TMEM117: variants seen among roughly 807,000 people sequenced by gnomAD.
TMEM117 encodes transmembrane protein 117.
TMEM117 carries 27 observed loss-of-function variants against 52.4 expected under a neutral mutation model. The ratio of observed to expected loss-of-function variants is 0.51; its 90% CI spans 0.38 to 0.71. The LOEUF is 0.71. Among genes scored for constraint, TMEM117 ranks in the 30% least tolerant of loss-of-function variants. The pLI is 0.00. For synonymous variants in TMEM117, 215 were observed against 206.3 expected (o/e 1.04, Z -0.36); for missense variants, 556 against 630.5 (o/e 0.88, Z 1.26).
Position 44,299,627 on chromosome 12 carries a change from C to G in TMEM117, c.656C>G (p.Thr219Arg). The G allele has an allele frequency of 1.2e-6, 2 of 1,614,182 alleles. No individual in the cohort carries two copies. Among genetic ancestry groups the G allele is most frequent in the Non-Finnish European group, 1.7e-6 (2 of 1,180,028 alleles). Residue 219 changes from threonine to arginine, a missense_variant, in exon 6 of 8, where the codon ACG (threonine) becomes AGG (arginine). Physicochemically the swap from Thr to Arg is moderately conservative, Grantham distance 71. Coordinates refer to ENST00000266534, the MANE Select transcript of TMEM117 (RefSeq NM_032256.3). ...LTSVVVLVIT[T>R]DWISWDKLNR... ...TCTGTGGTTGTACTTGTGATTACAA[C>G]GGACTGGATCAGCTGGGACAAGCTG...
chr12:43,971,370 T>C (rs1406886226), intron 3 of TMEM117, among the ~76,000 whole-genome samples: 3 of 152,214 alleles, frequency 2.0e-5, no homozygotes, highest in Non-Finnish European at 4.4e-5. Flanking sequence ...CCCGTGACTT[T>C]TACTACTCTA....
intron 5 of TMEM117, among the ~76,000 whole-genome samples, chr12:44,228,865 C>G (rs577821241): frequency 6.6e-6 from 1 of 152,102 alleles, no homozygotes; most frequent in Admixed American, 6.6e-5. Context: ...GTGGGCCACA[C>G]ACAGGGTGTA....
At chr12:44,061,513 G>A (rs1947137574) in intron 3 of TMEM117, among the ~76,000 whole-genome samples, 1 of 149,818 alleles carries the variant, frequency 6.7e-6, no homozygotes, top group Non-Finnish European at 1.5e-5. Flanking sequence ...GAGAGAGACT[G>A]GAAAGGAGAT....
intron 3 of TMEM117, among the ~76,000 whole-genome samples, chr12:43,971,822 A>G (rs1945592230): frequency 6.6e-6 from 1 of 152,230 alleles, no homozygotes; most frequent in South Asian, 2.1e-4. Flanking sequence ...TGTTAACTGT[A>G]GGCACAATGT....
intron 6 of TMEM117, among the ~76,000 whole-genome samples, chr12:44,346,478 TTCTC>T (rs1258400879): frequency 6.6e-6 from 1 of 152,102 alleles, no homozygotes; most frequent in African/African-American, 2.4e-5. Flanking sequence ...TGAAGAGTCT[TTCTC>T]TCTCTCACTC....
the TMEM117 span, among the ~76,000 whole-genome samples, chr12:43,812,593 C>T: frequency 5.1e-4 from 78 of 152,248 alleles, no homozygotes; most frequent in East Asian, 0.012. Context: ...ACAAGTTAAC[C>T]GTACTCTTCC....
chr12:44,188,962 AG>A (rs1381139056), intron 4 of TMEM117, among the ~76,000 whole-genome samples: 1 of 152,160 alleles, frequency 6.6e-6, no homozygotes, highest in African/African-American at 2.4e-5. Flanking sequence ...ACATATTTTC[AG>A]GGTACACATG....
chr12:44,044,999 A>G (rs536575980), intron 3 of TMEM117, among the ~76,000 whole-genome samples: 3 of 152,316 alleles, frequency 2.0e-5, no homozygotes, highest in African/African-American at 7.2e-5. Flanking sequence ...GAACTCTCTG[A>G]GTGGTTAGAA....
chr12:44,294,770 G>A (rs1012132688), intron 5 of TMEM117, among the ~76,000 whole-genome samples: 1 of 152,172 alleles, frequency 6.6e-6, no homozygotes, highest in Non-Finnish European at 1.5e-5. Context: ...CATACTCAGT[G>A]TCATATCCTG....
At chr12:44,200,516 T>G (rs1327967083) in intron 4 of TMEM117, among the ~76,000 whole-genome samples, 1 of 152,194 alleles carries the variant, frequency 6.6e-6, no homozygotes, top group East Asian at 1.9e-4. Context: ...GGGTGATATA[T>G]GCTCAAATTT....
intron 3 of TMEM117, among the ~76,000 whole-genome samples, chr12:44,003,668 A>G (rs1471990833): frequency 1.3e-5 from 2 of 152,142 alleles, no homozygotes; most frequent in Non-Finnish European, 2.9e-5. Flanking sequence ...GAGCTTTTGT[A>G]TGCTGTCTTT....
chr12:44,254,011 CAAA>C (rs199912435), intron 5 of TMEM117, among the ~76,000 whole-genome samples: 4 of 90,076 alleles, frequency 4.4e-5, no homozygotes, highest in Admixed American at 1.2e-4. Flanking sequence ...CTCATTTGAC[CAAA>C]AAAAAAAAAA....
At chr12:44,145,192 A>G (rs1014061830) in intron 4 of TMEM117, among the ~76,000 whole-genome samples, 5 of 152,152 alleles carry the variant, frequency 3.3e-5, no homozygotes, top group Admixed American at 1.3e-4. Flanking sequence ...TCTTTTTTCC[A>G]TTGGAAAAAG....
chr12:44,204,759 A>G (rs1201665996), intron 4 of TMEM117, among the ~76,000 whole-genome samples: 1 of 152,112 alleles, frequency 6.6e-6, no homozygotes, highest in Non-Finnish European at 1.5e-5. Flanking sequence ...TACACCTACA[A>G]CCATCTGATC....
chr12:43,912,645 G>A (rs1259246228), intron 2 of TMEM117, among the ~76,000 whole-genome samples: 2 of 151,386 alleles, frequency 1.3e-5, no homozygotes, highest in Admixed American at 1.3e-4. Context: ...CAGTAAATAT[G>A]TGTTTAATGA....
At chr12:43,812,725 G>T in the TMEM117 span, among the ~76,000 whole-genome samples, 1 of 152,064 alleles carries the variant, frequency 6.6e-6, no homozygotes, top group African/African-American at 2.4e-5. Flanking sequence ...AGAAGCCGAG[G>T]TCGGGTGCGG....
chr12:44,364,178 A>G (rs1951760094), intron 6 of TMEM117, among the ~76,000 whole-genome samples: 1 of 152,184 alleles, frequency 6.6e-6, no homozygotes, highest in Non-Finnish European at 1.5e-5. Flanking sequence ...CCATTGCTTG[A>G]AGGCAAAACT....
chr12:44,047,694 A>G (rs1284748011), intron 3 of TMEM117, among the ~76,000 whole-genome samples: 2 of 152,234 alleles, frequency 1.3e-5, no homozygotes, highest in Non-Finnish European at 2.9e-5. Context: ...TGTAGACCAT[A>G]AAACCCAAAA....
At chr12:44,037,850 CCT>C (rs150329927) in intron 3 of TMEM117, among the ~76,000 whole-genome samples, 2,423 of 152,030 alleles carry the variant, frequency 0.016, 47 homozygotes, top group African/African-American at 0.055. Context: ...TACAGGGTCT[CCT>C]CTCTGCTGAG....
Sources: allele counts gnomAD v4.1 joint callset (sites outside exome capture counted in the v4.1 genomes callset), GRCh38; gene constraint gnomAD v4.1.1; transcripts MANE v1.5; gene names NCBI Gene and HGNC (gene_info 2026-07-23, HGNC 2026-07-21).